Variants in LRRC18 observed in about 807,000 individuals in gnomAD.
The protein encoded by LRRC18 is leucine-rich repeat-containing protein 18.
A neutral mutation model predicts 11.2 loss-of-function variants in LRRC18; 12 were observed. The observed-to-expected ratio is 1.07, with a 90% confidence interval of 0.69 to 1.74. LRRC18 has a LOEUF of 1.74. Ranked by LOEUF, LRRC18 falls within the 40% of genes most tolerant of loss-of-function variation. LRRC18 has a pLI of 0.00. For missense variants in LRRC18, 374 were observed against 330.5 expected, an observed-to-expected ratio of 1.13 and a Z score of -1.02; for synonymous variants, 155 against 130.6, an observed-to-expected ratio of 1.19 and a Z score of -1.27.
At chr10:48,928,751 C>T in the LRRC18 span, among the ~76,000 whole-genome samples, 1 of 152,190 alleles carries the variant, frequency 6.6e-6, no homozygotes, top group African/African-American at 2.4e-5. Context: ...AGCTCGCAGC[C>T]CTGTGGCAGC....
upstream of LRRC18, among the ~76,000 whole-genome samples, chr10:48,914,883 C>T (rs561506781): frequency 4.1e-4 from 62 of 152,252 alleles, no homozygotes; most frequent in African/African-American, 1.3e-3. Flanking sequence ...ATGGGGGGTG[C>T]GGGCAAAGCT....
At chr10:48,921,771 G>T in the LRRC18 span, among the ~76,000 whole-genome samples, 2 of 151,992 alleles carry the variant, frequency 1.3e-5, no homozygotes, top group Admixed American at 6.6e-5. Context: ...AATATTTAAA[G>T]ATACATTTCA....
chr10:48,928,353 C>T, the LRRC18 span, among the ~76,000 whole-genome samples: 144 of 125,044 alleles, frequency 1.2e-3, 1 homozygote, highest in African/African-American at 3.7e-3. Flanking sequence ...TTGGTTTTGA[C>T]GTGTGTGTGT....
chr10:48,935,816 G>A, the LRRC18 span, among the ~76,000 whole-genome samples: 34 of 152,108 alleles, frequency 2.2e-4, no homozygotes, highest in South Asian at 6.8e-3. Context: ...ACACACAGCA[G>A]TAAGCCTTGT....
At chr10:48,911,510 G>T (rs188266378) in intron 1 of LRRC18, among the ~76,000 whole-genome samples, 20 of 152,262 alleles carry the variant, frequency 1.3e-4, no homozygotes, top group Admixed American at 4.6e-4. Flanking sequence ...AGTGAAAACT[G>T]AAAATAACTT....
the LRRC18 span, among the ~76,000 whole-genome samples, chr10:48,927,871 G>A: frequency 1.3e-5 from 2 of 152,218 alleles, no homozygotes; most frequent in South Asian, 2.1e-4. Context: ...AGGAACAAAA[G>A]GGAATAAGCA....
the LRRC18 span, among the ~76,000 whole-genome samples, chr10:48,926,919 A>G: frequency 6.6e-6 from 1 of 152,208 alleles, no homozygotes; most frequent in East Asian, 1.9e-4. Context: ...GGCCCAACGC[A>G]GTGTGAACGC....
At chr10:48,937,421 T>G in the LRRC18 span, among the ~76,000 whole-genome samples, 1 of 152,322 alleles carries the variant, frequency 6.6e-6, no homozygotes, top group Non-Finnish European at 1.5e-5. Context: ...TCCTGGCAGG[T>G]GCTCTGAACA....
the LRRC18 span, among the ~76,000 whole-genome samples, chr10:48,934,230 A>G: frequency 1.3e-5 from 2 of 152,192 alleles, no homozygotes; most frequent in Non-Finnish European, 2.9e-5. Flanking sequence ...ATGTATGGAG[A>G]ATTTATTATG....
At chr10:48,917,869 GTA>G (rs1838691888), upstream of LRRC18, among the ~76,000 whole-genome samples, 1 of 152,144 alleles carries the variant, frequency 6.6e-6, no homozygotes, top group Non-Finnish European at 1.5e-5. Flanking sequence ...CTTAAAATAT[GTA>G]TGTGATCGAA....
At chr10:48,928,116 T>A in the LRRC18 span, among the ~76,000 whole-genome samples, 8 of 152,088 alleles carry the variant, frequency 5.3e-5, no homozygotes, top group Non-Finnish European at 8.8e-5. Flanking sequence ...TCCTCACAGC[T>A]CCTCTCCTCC....
chr10:48,913,701 T>A, exon 1 of LRRC18: 1 of 1,612,634 alleles, frequency 6.2e-7, no homozygotes, highest in Non-Finnish European at 8.5e-7. Flanking sequence ...TAGGTTGTCA[T>A]GGAGCCCTAC....
At chr10:48,919,384 T>C in the LRRC18 span, among the ~76,000 whole-genome samples, 4 of 152,208 alleles carry the variant, frequency 2.6e-5, no homozygotes, top group Non-Finnish European at 4.4e-5. Flanking sequence ...AGAAATGGAA[T>C]TCACGGTTGA....
chr10:48,930,586 G>A, the LRRC18 span, among the ~76,000 whole-genome samples: 1 of 152,246 alleles, frequency 6.6e-6, no homozygotes, highest in Admixed American at 6.5e-5. Flanking sequence ...GTGGGACTAG[G>A]CTATGGAGAA....
upstream of LRRC18, among the ~76,000 whole-genome samples, chr10:48,915,392 G>A (rs146589496): frequency 6.7e-6 from 1 of 149,634 alleles, no homozygotes; most frequent in Non-Finnish European, 1.5e-5. Context: ...TCTTTTTAAA[G>A]GCCTCCTGTG....
At chr10:48,925,071 T>A in the LRRC18 span, among the ~76,000 whole-genome samples, 1 of 152,198 alleles carries the variant, frequency 6.6e-6, no homozygotes, top group Non-Finnish European at 1.5e-5. Flanking sequence ...GTCATGTGGA[T>A]GAGAAATATC....
chr10:48,915,755 C>T (rs757698265), upstream of LRRC18, among the ~76,000 whole-genome samples: 3 of 152,138 alleles, frequency 2.0e-5, no homozygotes, highest in Non-Finnish European at 2.9e-5. Flanking sequence ...GGATCACAGC[C>T]GCCTGGGATA....
chr10:48,911,131 C>G (rs1837962832), intron 1 of LRRC18, among the ~76,000 whole-genome samples: 1 of 152,182 alleles, frequency 6.6e-6, no homozygotes, highest in African/African-American at 2.4e-5. Flanking sequence ...ATGTCCAAGA[C>G]CTGGCAGGCT....
At chr10:48,913,634 T>C (rs375321365) in exon 1 of LRRC18, 19 of 1,613,876 alleles carry the variant, frequency 1.2e-5, no homozygotes, top group African/African-American at 1.3e-5. Context: ...GGTTCCGCTT[T>C]ATGTTGAGCT....
Sources: allele counts gnomAD v4.1 joint callset (sites outside exome capture counted in the v4.1 genomes callset), GRCh38; gene constraint gnomAD v4.1.1; transcripts MANE v1.5; gene names NCBI Gene and HGNC (gene_info 2026-07-23, HGNC 2026-07-21).